GRXCR2: variants seen among roughly 807,000 people sequenced by gnomAD.
GRXCR2 encodes glutaredoxin domain-containing cysteine-rich protein 2.
A neutral mutation model predicts 24.8 loss-of-function variants in GRXCR2; 23 were observed. That is an observed-to-expected ratio of 0.93 (90% CI 0.67 to 1.32). The LOEUF (loss-of-function observed/expected upper bound fraction) is 1.32, where lower values mean the gene tolerates loss of function less well. GRXCR2 is among the 40% of genes most tolerant of loss of function. The probability of loss-of-function intolerance (pLI) is 0.00; values close to 1 mark genes in which losing one functional copy is unlikely to be tolerated. For missense variants in GRXCR2, 315 were observed against 303.4 expected, an observed-to-expected ratio of 1.04 and a Z score of -0.28; for synonymous variants, 130 against 116.1, an observed-to-expected ratio of 1.12 and a Z score of -0.77.
intron 2 of GRXCR2, among the ~76,000 whole-genome samples, chr5:145,887,974 C>A (rs1561682687): frequency 6.6e-6 from 1 of 152,096 alleles, no homozygotes; most frequent in African/African-American, 2.4e-5. Flanking sequence ...CCTTTTATTT[C>A]TCTTTATATT....
chr5:145,925,191 C>T (rs1359838509), intron 2 of GRXCR2, among the ~76,000 whole-genome samples: 1 of 152,200 alleles, frequency 6.6e-6, no homozygotes, highest in African/African-American at 2.4e-5. Flanking sequence ...GTAGGTCACA[C>T]TCTTATTTAA....
At chr5:145,930,060 C>CTTTATTTATTTATTTATTTA (rs77261565) in intron 2 of GRXCR2, among the ~76,000 whole-genome samples, 33 of 151,054 alleles carry the variant, frequency 2.2e-4, no homozygotes, top group African/African-American at 7.5e-4. Context: ...TTGGGCTAGT[C>CTTTATTTATTTATTTATTTA]TTTATTTATT....
At chr5:145,913,710 A>G (rs1263161420) in intron 2 of GRXCR2, among the ~76,000 whole-genome samples, 3 of 152,130 alleles carry the variant, frequency 2.0e-5, no homozygotes, top group Admixed American at 1.3e-4. Context: ...ATAAATAGAG[A>G]CACCGTTTCA....
At chr5:145,910,100 A>G (rs544031292) in intron 2 of GRXCR2, among the ~76,000 whole-genome samples, 1 of 152,270 alleles carries the variant, frequency 6.6e-6, no homozygotes, top group African/African-American at 2.4e-5. Flanking sequence ...TTCCCACGCT[A>G]TTGTACCTGC....
chr5:145,915,244 C>T (rs1344354865), intron 2 of GRXCR2, among the ~76,000 whole-genome samples: 2 of 152,128 alleles, frequency 1.3e-5, no homozygotes, highest in Non-Finnish European at 2.9e-5. Context: ...TAGGCCATTC[C>T]TGTGCACTCA....
intron 2 of GRXCR2, among the ~76,000 whole-genome samples, chr5:145,922,458 G>T (rs970710266): frequency 8.5e-5 from 13 of 152,162 alleles, no homozygotes; most frequent in Non-Finnish European, 1.3e-4. Context: ...GTTCATGATG[G>T]TCTATTTACT....
intron 2 of GRXCR2, among the ~76,000 whole-genome samples, chr5:145,914,669 C>G (rs764901830): frequency 1.7e-5 from 2 of 120,082 alleles, no homozygotes; most frequent in Non-Finnish European, 3.3e-5. Context: ...GAACAAGACT[C>G]CATCTCAAAA....
chr5:145,914,537 G>T (rs541051246), intron 2 of GRXCR2, among the ~76,000 whole-genome samples: 1 of 151,738 alleles, frequency 6.6e-6, no homozygotes, highest in African/African-American at 2.4e-5. Context: ...TTAACCAGGC[G>T]TGGTGGTGTG....
rs1362273912 is a variant in GRXCR2 at position 145,872,658 on chromosome 5, T to C, written c.311A>G (p.Asn104Ser). 6.2e-6 allele frequency: 10 copies of C among 1,605,822 alleles called. No individual in the cohort carries two copies. In the South Asian group the frequency reaches 1.1e-4, roughly 18 times the overall value. ...YTLAGGQPRF[N>S]DYKANDHKPL... ...CTTATGGTCATTCGCCTTGTAATCGTTGAACCGAGGCTGGCCGCCTGCCAA... is the reference window on the plus strand; with the variant it reads ...CTTATGGTCATTCGCCTTGTAATCGCTGAACCGAGGCTGGCCGCCTGCCAA... Residue 104 changes from asparagine (N) to serine (S), a missense_variant, in exon 1 of 3, where the codon AAC becomes AGC. Transcript: ENST00000377976.
intron 2 of GRXCR2, among the ~76,000 whole-genome samples, chr5:145,902,779 C>T (rs1010192961): frequency 6.6e-5 from 10 of 152,182 alleles, no homozygotes; most frequent in Non-Finnish European, 1.5e-4. Context: ...GCATGATGTT[C>T]AGTGATTTGT....
intron 2 of GRXCR2, among the ~76,000 whole-genome samples, chr5:145,904,665 G>A (rs1333952013): frequency 6.6e-6 from 1 of 152,214 alleles, no homozygotes; most frequent in Non-Finnish European, 1.5e-5. Flanking sequence ...GTTGGACAGA[G>A]TAAGTCAGAT....
chr5:145,869,375 TCA>T (rs891212528), intron 1 of GRXCR2, among the ~76,000 whole-genome samples: 3 of 152,150 alleles, frequency 2.0e-5, no homozygotes, highest in African/African-American at 7.2e-5. Flanking sequence ...CTTATAAACT[TCA>T]GTTTTAATTG....
chr5:145,915,336 C>T (rs1757221411), intron 2 of GRXCR2, among the ~76,000 whole-genome samples: 1 of 152,154 alleles, frequency 6.6e-6, no homozygotes, highest in Admixed American at 6.5e-5. Context: ...ATTGTTCCTG[C>T]TTGGCCTGAC....
chr5:145,891,523 G>A (rs545402662), intron 2 of GRXCR2, among the ~76,000 whole-genome samples: 1 of 152,228 alleles, frequency 6.6e-6, no homozygotes. Flanking sequence ...CGCCCACGGA[G>A]CCTTGCTCAC....
chr5:145,874,195 T>A (rs1231826148), upstream of GRXCR2, among the ~76,000 whole-genome samples: 4 of 149,642 alleles, frequency 2.7e-5, no homozygotes, highest in Non-Finnish European at 4.4e-5. Context: ...TCTTTTTTTT[T>A]ATTATTTTAT....
intron 2 of GRXCR2, among the ~76,000 whole-genome samples, chr5:145,890,382 A>G (rs1472897627): frequency 6.6e-6 from 1 of 152,166 alleles, no homozygotes; most frequent in East Asian, 1.9e-4. Context: ...GAGCCACTGC[A>G]CCTGGCAGGA....
intron 2 of GRXCR2, among the ~76,000 whole-genome samples, chr5:145,896,009 C>G (rs1434611637): frequency 6.6e-6 from 1 of 152,092 alleles, no homozygotes; most frequent in Non-Finnish European, 1.5e-5. Context: ...TTTGACAAAC[C>G]TGACAAAAAC....
At chr5:145,905,748 T>C (rs938519722) in intron 2 of GRXCR2, among the ~76,000 whole-genome samples, 1 of 152,144 alleles carries the variant, frequency 6.6e-6, no homozygotes, top group Admixed American at 6.5e-5. Context: ...TTTATATGCA[T>C]AGAGGAGGCA....
At position 145,859,000 on chromosome 5, in the gene GRXCR2, A is replaced by G. The variant is rs1316803792; in HGVS notation, c.*733T>C. ...GGCTCGAAGAAGTTATATCATACACACATATTTGAGCACCAAATTTATCAT... is the reference window on the plus strand; with the variant it reads ...GGCTCGAAGAAGTTATATCATACACGCATATTTGAGCACCAAATTTATCAT... On this transcript the variant is annotated 3_prime_UTR_variant, in exon 3 of 3. Coordinates refer to ENST00000377976, the MANE Select transcript of GRXCR2 (RefSeq NM_001080516.2). 6.6e-6 allele frequency: 1 copy of G among 152,246 alleles called. No homozygotes were observed. Among genetic ancestry groups the G allele is most frequent in the Non-Finnish European group, 1.5e-5 (1 of 68,056 alleles). 9.4% of individuals were successfully genotyped at this position (152,246 alleles called of 1,614,324 possible).
Sources: allele counts gnomAD v4.1 joint callset (sites outside exome capture counted in the v4.1 genomes callset), GRCh38; gene constraint gnomAD v4.1.1; transcripts MANE v1.5; gene names NCBI Gene and HGNC (gene_info 2026-07-23, HGNC 2026-07-21).